Variants in RFTN1 observed in about 807,000 individuals in gnomAD.
The protein encoded by RFTN1 is raftlin, lipid raft linker 1.
Under a neutral mutation model 46.5 loss-of-function variants are expected in RFTN1, and 26 were observed. The observed-to-expected ratio is 0.56, with a 90% CI of 0.41 to 0.78. RFTN1 has a LOEUF of 0.78. Among genes scored for constraint, RFTN1 ranks in the 30% least tolerant of loss-of-function variants. The probability of loss-of-function intolerance (pLI) is 0.00; values close to 1 mark genes in which losing one functional copy is unlikely to be tolerated. For missense variants in RFTN1, 693 were observed against 718.7 expected (o/e 0.96, Z 0.41); for synonymous variants, 261 against 284.2 (o/e 0.92, Z 0.82).
intron 4 of RFTN1, among the ~76,000 whole-genome samples, chr3:16,404,216 AAT>A (rs1242519773): frequency 2.6e-3 from 1 of 380 alleles, no homozygotes; most frequent in African/African-American, 0.015. Flanking sequence ...TATATTATAT[AAT>A]ATATATTTTA....
rs1408359882 is a variant in RFTN1 at position 16,446,388 on chromosome 3, C to T, written c.146-12351G>A. Among the ~76,000 whole-genome samples, 1 of 151,948 alleles carries T rather than the reference C, an allele frequency of 6.6e-6. No homozygotes were observed. The highest frequency in any genetic ancestry group is 2.4e-5 in the African/African-American group (1 of 41,358). On this transcript the variant is annotated intron_variant, in intron 2 of 9. Coordinates refer to ENST00000334133, the MANE Select transcript of RFTN1 (RefSeq NM_015150.2). The surrounding 1 kb of genome is among the most constrained non-coding windows in gnomAD (Gnocchi z 4.5). ...AGGGAAATTCACATTGTCGTGCAAC[C>T]ATCACCACCATCTATCTCCAGGAAA...
At position 16,465,256 on chromosome 3, in the gene RFTN1, T is replaced by TTTG. The variant is rs1326205967; in HGVS notation, c.145+28466_145+28468dup. 8.5e-5 allele frequency among the ~76,000 whole-genome samples: 13 copies of TTTG among 152,200 alleles called. No homozygotes were observed. The highest frequency in any genetic ancestry group is 8.3e-4 in the South Asian group (4 of 4,816). ...AAAGCCTTAGTATTTCATAGAGGTTTTTGTTGTTGTTGTTCAGAAAATGAA... is the reference window on the plus strand; with the variant it reads ...AAAGCCTTAGTATTTCATAGAGGTTTTTGTTGTTGTTGTTGTTCAGAAAATGAA... On this transcript the variant is annotated intron_variant, in intron 2 of 9. Coordinates refer to ENST00000334133, the MANE Select transcript of RFTN1 (RefSeq NM_015150.2). This position sits in a 1 kb window ranked among gnomAD's most constrained non-coding sequence, Gnocchi z 5.1.
At chr3:16,487,328 T>G (rs1450489580) in intron 2 of RFTN1, among the ~76,000 whole-genome samples, 2 of 152,238 alleles carry the variant, frequency 1.3e-5, no homozygotes, top group Non-Finnish European at 2.9e-5. Context: ...CAAATCTTCA[T>G]GATAAAATGG....
At chr3:16,488,523 T>C (rs1362331047) in intron 2 of RFTN1, among the ~76,000 whole-genome samples, 1 of 152,104 alleles carries the variant, frequency 6.6e-6, no homozygotes, top group African/African-American at 2.4e-5. Flanking sequence ...CCATGAAAAA[T>C]AAGTGTATAG....
In RFTN1 at chr3:16,337,545, C is replaced by A. The variant is rs192657609; in HGVS notation, c.1147-10669G>T. On this transcript the variant is annotated intron_variant, in intron 7 of 9. Coordinates refer to ENST00000334133, the MANE Select transcript of RFTN1 (RefSeq NM_015150.2). The surrounding 1 kb of genome is among the most constrained non-coding windows in gnomAD (Gnocchi z 5.0). ...GATCATGAGGTCAGGAGATCGAGAC[C>A]ACCCTGGCCAACATGGTGAAACCTC... 3.3e-3 allele frequency among the ~76,000 whole-genome samples: 497 copies of A among 151,916 alleles called. 3 individuals carry two copies. The highest frequency in any genetic ancestry group is 5.7e-3 in the Non-Finnish European group (387 of 67,990).
At chr3:16,326,735 G>A in intron 8 of RFTN1, 38 bp downstream of exon 8, 1 of 1,447,558 alleles carries the variant, frequency 6.9e-7, no homozygotes, top group East Asian at 2.3e-5. Flanking sequence ...CACAGAGTAA[G>A]TGTTCAATAG....
chr3:16,449,564 T>C lies in RFTN1; in HGVS notation c.146-15527A>G, dbSNP rs58311720. Among the ~76,000 whole-genome samples, 6,992 of 152,294 alleles carry C rather than the reference T, an allele frequency of 0.046. 565 individuals carry two copies. The highest frequency in any genetic ancestry group is 0.16 in the African/African-American group (6,600 of 41,522). On this transcript the variant is annotated intron_variant, in intron 2 of 9. Coordinates refer to ENST00000334133, the MANE Select transcript of RFTN1 (RefSeq NM_015150.2). The surrounding 1 kb of genome is among the most constrained non-coding windows in gnomAD (Gnocchi z 5.1). ...GCTAAAATCATTGTTGTTATCACCA[T>C]TATGCATAACCCTAATCACTTCACA...
intron 2 of RFTN1, among the ~76,000 whole-genome samples, chr3:16,436,098 C>T (rs4685340): frequency 6.6e-6 from 1 of 151,214 alleles, no homozygotes; most frequent in Non-Finnish European, 1.5e-5. Context: ...ATCCCTGTGA[C>T]ATGGTAACTT....
chr3:16,478,991 TCACTAGGTA>T (rs1169407214), intron 2 of RFTN1, among the ~76,000 whole-genome samples: 1 of 152,154 alleles, frequency 6.6e-6, no homozygotes, highest in Non-Finnish European at 1.5e-5. Context: ...TAGAAGCAAT[TCACTAGGTA>T]CACAAGGCCG....
chr3:16,449,308 G>A lies in RFTN1; in HGVS notation c.146-15271C>T, dbSNP rs147817465. ...AATCTGGCTCAGGCAGATGGGTGGTGTATTGGCTCCAGTTCCTAATCTGGA... is the reference window on the plus strand; with the variant it reads ...AATCTGGCTCAGGCAGATGGGTGGTATATTGGCTCCAGTTCCTAATCTGGA... On this transcript the variant is annotated intron_variant, in intron 2 of 9. Coordinates refer to ENST00000334133, the MANE Select transcript of RFTN1 (RefSeq NM_015150.2). The surrounding 1 kb of genome is among the most constrained non-coding windows in gnomAD (Gnocchi z 5.1). 7.2e-5 allele frequency among the ~76,000 whole-genome samples: 11 copies of A among 152,316 alleles called. No homozygotes were observed. The East Asian group carries it at 1.5e-3, about 21-fold the overall frequency.
At position 16,337,240 on chromosome 3, in the gene RFTN1, C is replaced by G. The variant is rs901781552; in HGVS notation, c.1147-10364G>C. On this transcript the variant is annotated intron_variant, in intron 7 of 9. Coordinates refer to ENST00000334133, the MANE Select transcript of RFTN1 (RefSeq NM_015150.2). The surrounding 1 kb of genome is among the most constrained non-coding windows in gnomAD (Gnocchi z 5.0). ...GCTAGCTGTGGTCCACCCATCAGCGCCTGCAGGCACATGCTGAGATTAGTC... is the reference window on the plus strand; with the variant it reads ...GCTAGCTGTGGTCCACCCATCAGCGGCTGCAGGCACATGCTGAGATTAGTC... The G allele has an allele frequency of 1.3e-5, 2 of 152,184 alleles. No homozygotes were observed. Among genetic ancestry groups the G allele is most frequent in the Admixed American group, 6.5e-5 (1 of 15,284 alleles). The allele number at this position is 152,184 out of a possible 1,614,324, so 9.4% of individuals were successfully genotyped here. A position where few individuals can be genotyped will look rare whatever the true frequency, so the allele number is the denominator to read the frequency against.
intron 2 of RFTN1, chr3:16,434,908 A>G (rs1263424342): frequency 1.3e-5 from 2 of 152,252 alleles, no homozygotes; most frequent in African/African-American, 4.8e-5. Flanking sequence ...AGGCTAACCA[A>G]TATTTGAAAA....
chr3:16,363,792 C>G (rs1001688307), intron 6 of RFTN1, among the ~76,000 whole-genome samples: 2 of 140,456 alleles, frequency 1.4e-5, no homozygotes, highest in African/African-American at 2.5e-5. Flanking sequence ...CCTCTTGGCT[C>G]TCTGAGGGCG....
rs542701756 is a variant in RFTN1, at chr3:16,452,826, TC to T, written c.146-18790del. Reference sequence around the variant, plus strand: ...ATGTGACAATATCACAAGCCGTTCTTCCCTATCAAGTTCTTTTGCACTTAGT... The same window carrying T: ...ATGTGACAATATCACAAGCCGTTCTTCCTATCAAGTTCTTTTGCACTTAGT... On this transcript the variant is annotated intron_variant, in intron 2 of 9. Coordinates refer to ENST00000334133, the MANE Select transcript of RFTN1 (RefSeq NM_015150.2). This position sits in a 1 kb window ranked among gnomAD's most constrained non-coding sequence, Gnocchi z 6.3. Among the ~76,000 whole-genome samples, 23 of 152,350 alleles carry T rather than the reference TC, an allele frequency of 1.5e-4. No individual in the cohort carries two copies. In the South Asian group the frequency reaches 2.7e-3, roughly 18 times the overall value.
chr3:16,409,852 T>C (rs901062557), intron 3 of RFTN1, among the ~76,000 whole-genome samples: 5 of 151,886 alleles, frequency 3.3e-5, no homozygotes, highest in African/African-American at 1.2e-4. Context: ...GCCCAGCTAA[T>C]TTTTTTGTAT....
intron 2 of RFTN1, among the ~76,000 whole-genome samples, chr3:16,486,585 A>C (rs2076450658): frequency 6.6e-6 from 1 of 152,120 alleles, no homozygotes; most frequent in African/African-American, 2.4e-5. Flanking sequence ...CTAACAGCCA[A>C]CTGTCCCTGG....
In RFTN1 at chr3:16,410,678, G is replaced by A. The variant is rs1011755412; in HGVS notation, c.333-1195C>T. ...AAACGGCTGTCTGAGGTGAAGGCCT[G>A]TAGTCTTGCTGTCAAAGGAGAGGCT... On this transcript the variant is annotated intron_variant, in intron 3 of 9. Coordinates refer to ENST00000334133, the MANE Select transcript of RFTN1 (RefSeq NM_015150.2). This position sits in a 1 kb window ranked among gnomAD's most constrained non-coding sequence, Gnocchi z 4.6. Among the ~76,000 whole-genome samples the A allele has an allele frequency of 6.6e-6, 1 of 152,170 alleles. No individual in the cohort carries two copies. Among genetic ancestry groups the A allele is most frequent in the African/African-American group, 2.4e-5 (1 of 41,430 alleles).
intron 2 of RFTN1, among the ~76,000 whole-genome samples, chr3:16,436,488 C>G (rs2125501839): frequency 1.3e-5 from 2 of 152,104 alleles, no homozygotes; most frequent in Middle Eastern, 6.8e-3. Flanking sequence ...TTAAATGAAG[C>G]TGAATTTACC....
In RFTN1 at chr3:16,499,967, G is replaced by A. The variant is rs1485478633; in HGVS notation, c.-8-6090C>T. Among the ~76,000 whole-genome samples, 1 of 152,168 alleles carries A rather than the reference G, an allele frequency of 6.6e-6. No homozygotes were observed. Among genetic ancestry groups the A allele is most frequent in the Non-Finnish European group, 1.5e-5 (1 of 68,036 alleles). On this transcript the variant is annotated intron_variant, in intron 1 of 9. Coordinates refer to ENST00000334133, the MANE Select transcript of RFTN1 (RefSeq NM_015150.2). The surrounding 1 kb of genome is among the most constrained non-coding windows in gnomAD (Gnocchi z 4.9). ...AAAAATGCTTCTCTTTACACATGTA[G>A]GATGTCCAGATACTGCCGCCATGAA...
Sources: allele counts gnomAD v4.1 joint callset (sites outside exome capture counted in the v4.1 genomes callset), GRCh38; gene constraint gnomAD v4.1.1; non-coding constraint Gnocchi (gnomAD v3.1); transcripts MANE v1.5; gene names NCBI Gene and HGNC (gene_info 2026-07-23, HGNC 2026-07-21).